The following TMEM132E variants were observed in gnomAD, a reference collection of about 807,000 sequenced individuals.
The protein encoded by TMEM132E is transmembrane protein 132E.
In TMEM132E, 49 loss-of-function variants were observed where a neutral mutation model predicts 78.5. The ratio of observed to expected loss-of-function variants is 0.62; its 90% CI spans 0.50 to 0.79. The LOEUF is 0.79. Among genes scored for constraint, TMEM132E ranks in the 30% least tolerant of loss-of-function variants. The pLI, the probability that TMEM132E is intolerant of heterozygous loss-of-function variation, is 0.00. For missense variants in TMEM132E, 1,403 were observed against 1,470.9 expected, an observed-to-expected ratio of 0.95 and a Z score of 0.75; for synonymous variants, 715 against 670.6, an observed-to-expected ratio of 1.07 and a Z score of -1.02.
intron 3 of TMEM132E, 70 bp downstream of exon 3, chr17:34,628,779 G>A: frequency 1.3e-6 from 2 of 1,481,796 alleles, no homozygotes; most frequent in East Asian, 2.5e-5. Context: ...GGGAATCTTT[G>A]AAGGAGGAGG....
At position 34,638,263 on chromosome 17, in the gene TMEM132E, C is replaced by A. The variant is rs749508271; in HGVS notation, c.*31C>A. 26 of 1,473,804 alleles carry A rather than the reference C, an allele frequency of 1.8e-5. No individual in the cohort carries two copies. Among genetic ancestry groups the A allele is most frequent in the Non-Finnish European group, 2.0e-5 (22 of 1,113,470 alleles). 91.3% of individuals were successfully genotyped at this position (1,473,804 alleles called of 1,614,324 possible). A position where few individuals can be genotyped will look rare whatever the true frequency, so the allele number is the denominator to read the frequency against. ...CCAGCCGGAGTAGCAGGGACCCCCCCCCCCAACGGGGTCAGCTCGGGGTAG... is the reference window on the plus strand; with the variant it reads ...CCAGCCGGAGTAGCAGGGACCCCCCACCCCAACGGGGTCAGCTCGGGGTAG... On this transcript the variant is annotated 3_prime_UTR_variant, in exon 9 of 9. Coordinates refer to ENST00000631683, the MANE Select transcript of TMEM132E (RefSeq NM_001304438.2).
At chr17:34,604,284 G>A (rs1052668247) in intron 1 of TMEM132E, among the ~76,000 whole-genome samples, 1 of 152,048 alleles carries the variant, frequency 6.6e-6, no homozygotes, top group African/African-American at 2.4e-5. Flanking sequence ...TGCCTGTTGG[G>A]GACTCCACAT....
chr17:34,606,481 G>T (rs980622387), intron 1 of TMEM132E, among the ~76,000 whole-genome samples: 1 of 152,224 alleles, frequency 6.6e-6, no homozygotes, highest in Admixed American at 6.5e-5. Flanking sequence ...CCAGGGAGGG[G>T]AAGAGACTTG....
chr17:34,582,486 C>G (rs1905527297), intron 1 of TMEM132E, among the ~76,000 whole-genome samples: 1 of 145,756 alleles, frequency 6.9e-6, no homozygotes, highest in South Asian at 2.2e-4. Context: ...CTATGGGTGG[C>G]TTGGTTATTC....
chr17:34,608,328 G>A (rs1906482906), intron 1 of TMEM132E, among the ~76,000 whole-genome samples: 1 of 152,184 alleles, frequency 6.6e-6, no homozygotes, highest in Non-Finnish European at 1.5e-5. Flanking sequence ...ATTGGTGCTA[G>A]TCAGACCTGA....
intron 1 of TMEM132E, among the ~76,000 whole-genome samples, chr17:34,599,981 AG>A (rs1567713064): frequency 6.6e-6 from 1 of 152,132 alleles, no homozygotes; most frequent in Non-Finnish European, 1.5e-5. Context: ...CCTGGTGGGG[AG>A]GGGGGCTTGG....
chr17:34,599,421 G>A (rs1308516730), intron 1 of TMEM132E, among the ~76,000 whole-genome samples: 1 of 152,218 alleles, frequency 6.6e-6, no homozygotes, highest in Admixed American at 6.5e-5. Flanking sequence ...TGGCCTTTGT[G>A]TTGGGGCTTT....
chr17:34,634,757 G>A, intron 6 of TMEM132E, 42 bp from the exon 7 acceptor site: 1 of 1,569,612 alleles, frequency 6.4e-7, no homozygotes, highest in East Asian at 2.3e-5. Flanking sequence ...GCAGGTCAGA[G>A]TCCAGGTGAG....
intron 1 of TMEM132E, among the ~76,000 whole-genome samples, chr17:34,612,731 T>A (rs1004964254): frequency 3.9e-5 from 6 of 152,060 alleles, no homozygotes; most frequent in Non-Finnish European, 8.8e-5. Flanking sequence ...CTACACCTGG[T>A]CCCCAACTTC....
At position 34,613,152 on chromosome 17, in the gene TMEM132E, A is replaced by ACTCT. The variant is rs141732934; in HGVS notation, c.68-12956_68-12953dup. 4.9e-3 allele frequency among the ~76,000 whole-genome samples: 482 copies of ACTCT among 97,696 alleles called. 4 individuals are homozygous for ACTCT. The highest frequency in any genetic ancestry group is 0.015 in the African/African-American group (456 of 30,026). The allele number at this position is 97,696 out of a possible 152,430, so 64.1% of individuals were successfully genotyped here. On this transcript the variant is annotated intron_variant, in intron 1 of 8. Coordinates refer to ENST00000631683, the MANE Select transcript of TMEM132E (RefSeq NM_001304438.2). Reference sequence around the variant, plus strand: ...ACTGCAGGCCTATGGTGGCACTCACACTCTCTCTCTCTCTCTCTCTCTACA... The same window carrying ACTCT: ...ACTGCAGGCCTATGGTGGCACTCACACTCTCTCTCTCTCTCTCTCTCTCTCTACA...
intron 1 of TMEM132E, among the ~76,000 whole-genome samples, chr17:34,622,699 T>C (rs1002679083): frequency 7.2e-5 from 11 of 152,202 alleles, no homozygotes; most frequent in African/African-American, 2.7e-4. Flanking sequence ...ATTCAGAGAA[T>C]TTCATTCTTT....
Position 34,613,187 on chromosome 17 carries a change from A to ACG in TMEM132E, c.68-12939_68-12938insGC, listed in dbSNP as rs1390624372. Among the ~76,000 whole-genome samples, 514 of 108,778 alleles carry ACG rather than the reference A, an allele frequency of 4.7e-3. 4 individuals are homozygous for ACG. The highest frequency in any genetic ancestry group is 7.4e-3 in the Non-Finnish European group (358 of 48,636). The allele number at this position is 108,778 out of a possible 152,430, so 71.4% of individuals were successfully genotyped here. ...TCTCTCTCTCTCTACACACACACAC[A>ACG]CACACACACCCACACACACACACAC... On this transcript the variant is annotated intron_variant, in intron 1 of 8. Coordinates refer to ENST00000631683, the MANE Select transcript of TMEM132E (RefSeq NM_001304438.2).
rs201413456 is a variant in TMEM132E, at chr17:34,628,631, C to T, written c.1067C>T (p.Ser356Leu). 201 of 1,613,724 alleles carry T rather than the reference C, an allele frequency of 1.2e-4. 1 individual carries two copies. The highest frequency in any genetic ancestry group is 1.3e-4 in the Non-Finnish European group (155 of 1,179,890). The change falls in exon 3 of 9, where the codon TCG (serine) becomes TTG (leucine). Residue 356 changes from serine (S) to leucine (L), a missense_variant. Transcript: ENST00000631683. ...KSRSGQWHVT[S>L]ELLTGAKHST... is the part of the protein sequence containing the mutation. ...CGGAGTGGCCAGTGGCATGTGACCT[C>T]GGAGCTGCTGACTGGGGCAAAGCAC...
chr17:34,613,540 C>G (rs963085530), intron 1 of TMEM132E, among the ~76,000 whole-genome samples: 2 of 151,882 alleles, frequency 1.3e-5, no homozygotes, highest in Non-Finnish European at 2.9e-5. Flanking sequence ...CCCCTGACTC[C>G]AGGATAGGGT....
intron 7 of TMEM132E, 130 bp from the exon 8 acceptor site, chr17:34,635,877 C>T: frequency 1.1e-6 from 1 of 950,798 alleles, no homozygotes; most frequent in Non-Finnish European, 1.4e-6. Context: ...CTGCGAAGTC[C>T]TGCCTCCCAG....
intron 1 of TMEM132E, among the ~76,000 whole-genome samples, chr17:34,623,774 G>C (rs1158854874): frequency 6.6e-6 from 1 of 152,216 alleles, no homozygotes; most frequent in Non-Finnish European, 1.5e-5. Flanking sequence ...CCTGCTTGCT[G>C]CTGCTTCCAA....
chr17:34,592,711 A>C (rs1905916938), intron 1 of TMEM132E, among the ~76,000 whole-genome samples: 1 of 152,232 alleles, frequency 6.6e-6, no homozygotes, highest in African/African-American at 2.4e-5. Context: ...ACTCCGCCTG[A>C]CACTGTCAGT....
At chr17:34,628,907 A>G in intron 3 of TMEM132E, 105 bp from the exon 4 acceptor site, 1 of 1,427,364 alleles carries the variant, frequency 7.0e-7, no homozygotes, top group South Asian at 1.4e-5. Flanking sequence ...GGGCCCCATC[A>G]GGCAGCTGCC....
intron 1 of TMEM132E, among the ~76,000 whole-genome samples, chr17:34,613,852 G>T (rs1321647258): frequency 6.6e-6 from 1 of 152,084 alleles, no homozygotes; most frequent in African/African-American, 2.4e-5. Context: ...TCTCCCTGGA[G>T]CCTGATCCTC....
Sources: allele counts gnomAD v4.1 joint callset (sites outside exome capture counted in the v4.1 genomes callset), GRCh38; gene constraint gnomAD v4.1.1; transcripts MANE v1.5; gene names NCBI Gene and HGNC (gene_info 2026-07-23, HGNC 2026-07-21).